The following TFEC variants were observed in gnomAD, a reference collection of about 807,000 sequenced individuals.
The protein encoded by TFEC is transcription factor EC.
TFEC carries 31 observed loss-of-function variants against 41.6 expected under a neutral mutation model. The observed-to-expected ratio is 0.74, with a 90% CI of 0.56 to 1.01. The LOEUF is 1.01. Among genes scored for constraint, TFEC ranks in the 50% least tolerant of loss-of-function variants. The pLI, the probability that TFEC is intolerant of heterozygous loss-of-function variation, is 0.00. For synonymous variants in TFEC, 143 were observed against 140.6 expected (o/e 1.02, Z -0.12); for missense variants, 402 against 404.1 (o/e 0.99, Z 0.04).
At chr7:116,003,910 G>C (rs1257615054) in intron 1 of TFEC, among the ~76,000 whole-genome samples, 3 of 152,008 alleles carry the variant, frequency 2.0e-5, no homozygotes, top group African/African-American at 7.2e-5. Flanking sequence ...AAATCTCAAA[G>C]CAAGTTTTAA....
chr7:116,109,903 G>A (rs985471675), intron 3 of TFEC, among the ~76,000 whole-genome samples: 1 of 152,088 alleles, frequency 6.6e-6, no homozygotes, highest in Non-Finnish European at 1.5e-5. Flanking sequence ...CCATAAAAAA[G>A]GATGCATAGT....
intron 1 of TFEC, among the ~76,000 whole-genome samples, chr7:115,991,224 A>T (rs1160328711): frequency 6.6e-6 from 1 of 152,236 alleles, no homozygotes; most frequent in Non-Finnish European, 1.5e-5. Flanking sequence ...TCCTGAAGGA[A>T]GCACTAAACA....
intron 1 of TFEC, among the ~76,000 whole-genome samples, chr7:115,991,770 A>G (rs1794127808): frequency 6.6e-6 from 1 of 152,160 alleles, no homozygotes; most frequent in South Asian, 2.1e-4. Flanking sequence ...AGACTTTAAC[A>G]CCCCACTGTC....
intron 3 of TFEC, among the ~76,000 whole-genome samples, chr7:116,083,584 C>T (rs1430207069): frequency 1.7e-4 from 26 of 151,892 alleles, no homozygotes; most frequent in Admixed American, 9.2e-4. Context: ...TGTCTTTACA[C>T]GTCCTGGGTC....
intron 1 of TFEC, among the ~76,000 whole-genome samples, chr7:116,007,118 G>C (rs767252831): frequency 6.6e-6 from 1 of 152,034 alleles, no homozygotes; most frequent in African/African-American, 2.4e-5. Flanking sequence ...ATGTATCTAC[G>C]GTTTTACCTT....
At chr7:116,011,249 G>T (rs1419278754) in intron 1 of TFEC, among the ~76,000 whole-genome samples, 1 of 152,076 alleles carries the variant, frequency 6.6e-6, no homozygotes, top group Non-Finnish European at 1.5e-5. Context: ...CTAACCCTAG[G>T]ATTTTGGATA....
At chr7:115,989,620 C>T (rs1161796912) in intron 1 of TFEC, among the ~76,000 whole-genome samples, 1 of 152,190 alleles carries the variant, frequency 6.6e-6, no homozygotes, top group Non-Finnish European at 1.5e-5. Flanking sequence ...GAGCCTTGCT[C>T]ACTGCTAGCA....
chr7:116,110,594 T>A (rs1400338751), intron 3 of TFEC: 1 of 747,544 alleles, frequency 1.3e-6, no homozygotes, highest in African/African-American at 1.8e-5. Flanking sequence ...CCCTGGGTTT[T>A]TATTCTTGTT....
chr7:116,008,517 T>C (rs1055446260), intron 1 of TFEC, among the ~76,000 whole-genome samples: 2 of 152,160 alleles, frequency 1.3e-5, no homozygotes, highest in African/African-American at 4.8e-5. Context: ...AAGTGAATAA[T>C]AGGTAACTAT....
intron 3 of TFEC, among the ~76,000 whole-genome samples, chr7:116,039,727 C>T (rs566864257): frequency 1.8e-4 from 27 of 152,056 alleles, no homozygotes; most frequent in African/African-American, 5.1e-4. Flanking sequence ...AATATTTTTA[C>T]ATTTCCTATT....
At chr7:115,976,107 AATTTC>A (rs1290599331) in intron 2 of TFEC, among the ~76,000 whole-genome samples, 10 of 152,142 alleles carry the variant, frequency 6.6e-5, no homozygotes, top group Non-Finnish European at 1.2e-4. Context: ...ATGAAATTTT[AATTTC>A]ATTTAATTTT....
chr7:116,071,432 A>G (rs1005187877), intron 3 of TFEC, among the ~76,000 whole-genome samples: 30 of 151,336 alleles, frequency 2.0e-4, no homozygotes, highest in African/African-American at 6.3e-4. Context: ...AAATATTTAT[A>G]TTGACTGAGA....
intron 1 of TFEC, among the ~76,000 whole-genome samples, chr7:116,158,999 C>T (rs975966385): frequency 6.6e-6 from 1 of 151,782 alleles, no homozygotes; most frequent in African/African-American, 2.4e-5. Context: ...ATTAGTTTTA[C>T]AAATATGAGT....
At chr7:116,122,812 C>A (rs933093759) in intron 1 of TFEC, among the ~76,000 whole-genome samples, 6 of 152,046 alleles carry the variant, frequency 3.9e-5, no homozygotes, top group Non-Finnish European at 8.8e-5. Flanking sequence ...TGCCCCTTCC[C>A]CCCACTTTCC....
chr7:115,940,468 A>G lies in TFEC; in HGVS notation c.*83T>C. On this transcript the variant is annotated 3_prime_UTR_variant, in exon 8 of 8. Transcript: ENST00000265440. The stretch of plus-strand genomic sequence containing the variant: ...TCCTTTAAGAAAAAAAATAAGCCAA[A>G]GCAACATATGAAACACAGAGCATAA... The G allele has an allele frequency of 7.0e-7, 1 of 1,431,404 alleles. No homozygotes were observed. Among genetic ancestry groups the G allele is most frequent in the Non-Finnish European group, 9.3e-7 (1 of 1,074,272 alleles). 88.7% of individuals were successfully genotyped at this position (1,431,404 alleles called of 1,614,324 possible).
intron 3 of TFEC, among the ~76,000 whole-genome samples, chr7:115,958,470 A>G (rs904962959): frequency 2.6e-5 from 4 of 151,878 alleles, no homozygotes; most frequent in African/African-American, 9.7e-5. Context: ...TGAGGGGGAC[A>G]GAACTAGGAA....
chr7:115,986,442 A>G (rs1310075600), intron 1 of TFEC, among the ~76,000 whole-genome samples: 1 of 152,114 alleles, frequency 6.6e-6, no homozygotes, highest in Non-Finnish European at 1.5e-5. Flanking sequence ...CAGCAGTACA[A>G]TATCGGTTCC....
chr7:115,951,119 G>A (rs566868108), intron 5 of TFEC, among the ~76,000 whole-genome samples, 170 bp from the exon 6 acceptor site: 9 of 151,918 alleles, frequency 5.9e-5, no homozygotes, highest in Middle Eastern at 3.4e-3. Context: ...TAAAAGTAAA[G>A]GTTTCAATAT....
At chr7:116,069,105 T>C (rs1433572663) in intron 3 of TFEC, among the ~76,000 whole-genome samples, 1 of 151,686 alleles carries the variant, frequency 6.6e-6, no homozygotes, top group Non-Finnish European at 1.5e-5. Flanking sequence ...AGTGATAATT[T>C]TGCAAATTCA....
Sources: allele counts gnomAD v4.1 joint callset (sites outside exome capture counted in the v4.1 genomes callset), GRCh38; gene constraint gnomAD v4.1.1; transcripts MANE v1.5; gene names NCBI Gene and HGNC (gene_info 2026-07-23, HGNC 2026-07-21).